Variants in BTN2A2 observed in about 807,000 individuals in gnomAD.
BTN2A2 encodes butyrophilin subfamily 2 member A2.
Under a neutral mutation model 34.7 loss-of-function variants are expected in BTN2A2, and 29 were observed. That is an observed-to-expected ratio of 0.84 (90% confidence interval 0.62 to 1.14). The LOEUF (loss-of-function observed/expected upper bound fraction) is 1.14. BTN2A2 is among the 50% of genes most tolerant of loss of function. BTN2A2 has a pLI of 0.00. For missense variants in BTN2A2, 612 were observed against 651.5 expected (o/e 0.94, Z 0.66); for synonymous variants, 240 against 253.1 (o/e 0.95, Z 0.49).
intron 4 of BTN2A2, among the ~76,000 whole-genome samples, 192 bp downstream of exon 4, chr6:26,388,486 G>C (rs1292702218): frequency 1.3e-5 from 2 of 152,158 alleles, no homozygotes; most frequent in African/African-American, 4.8e-5. Flanking sequence ...AAACACAAGA[G>C]TAGGAGCCTC....
intron 4 of BTN2A2, 100 bp downstream of exon 4, chr6:26,388,394 G>A: frequency 7.1e-7 from 1 of 1,416,218 alleles, no homozygotes; most frequent in Non-Finnish European, 9.7e-7. Context: ...TGGGTGGAAT[G>A]GTCCTGGGCC....
At position 26,384,846 on chromosome 6, in the gene BTN2A2, ACTGGT is replaced by A. The variant is rs1761078561; in HGVS notation, c.95-167_95-163del. On this transcript the variant is annotated intron_variant, in intron 2 of 7. Coordinates refer to ENST00000356709, the MANE Select transcript of BTN2A2 (RefSeq NM_006995.5). The surrounding 1 kb of genome is among the most constrained non-coding windows in gnomAD (Gnocchi z 4.0). ...TTGGTGCTGCCGACCAGCCACAGCTACTGGTCCCCAGAAGGGTTCTCAGCCCAAGA... is the reference window on the plus strand; with the variant it reads ...TTGGTGCTGCCGACCAGCCACAGCTACCCCAGAAGGGTTCTCAGCCCAAGA... Among the ~76,000 whole-genome samples the A allele has an allele frequency of 1.3e-5, 2 of 152,262 alleles. No homozygotes were observed. The highest frequency in any genetic ancestry group is 4.8e-5 in the African/African-American group (2 of 41,468).
intron 7 of BTN2A2, 53 bp from the exon 8 acceptor site, chr6:26,392,322 C>T: frequency 6.2e-7 from 1 of 1,613,870 alleles, no homozygotes; most frequent in Non-Finnish European, 8.5e-7. Context: ...AGGAACCACA[C>T]AATCCCCAGG....
At chr6:26,387,966 G>C (rs751147516) in intron 3 of BTN2A2, 47 bp from the exon 4 acceptor site, 2 of 1,568,892 alleles carry the variant, frequency 1.3e-6, no homozygotes, top group Non-Finnish European at 1.7e-6. Flanking sequence ...TGCAGTAGGG[G>C]CTAAGATACC....
intron 4 of BTN2A2, 85 bp downstream of exon 4, chr6:26,388,379 C>A: frequency 6.6e-7 from 1 of 1,507,728 alleles, no homozygotes; most frequent in Non-Finnish European, 9.1e-7. Context: ...ATGGGGGCAG[C>A]AGTGTGGGTG....
intron 7 of BTN2A2, 119 bp downstream of exon 7, chr6:26,390,948 G>T: frequency 6.7e-7 from 1 of 1,497,972 alleles, no homozygotes; most frequent in Non-Finnish European, 9.3e-7. Context: ...GGGAACTGGG[G>T]TCAGTTCATC....
At position 26,394,077 on chromosome 6, in the gene BTN2A2, G is replaced by A. The variant is rs1238728739; in HGVS notation, c.*1110G>A. 6.9e-6 allele frequency: 3 copies of A among 436,642 alleles called. No individual in the cohort carries two copies. The highest frequency in any genetic ancestry group is 1.2e-5 in the Non-Finnish European group (3 of 247,020). The allele number at this position is 436,642 out of a possible 1,614,324, so 27.0% of individuals were successfully genotyped here. On this transcript the variant is annotated 3_prime_UTR_variant, in exon 8 of 8. Coordinates refer to ENST00000356709, the MANE Select transcript of BTN2A2 (RefSeq NM_006995.5). ...TATCTGCCTTTGTATTAAACCTATT[G>A]GTATATCATAGGTCATGTTAGCTCA...
In BTN2A2 at chr6:26,390,836, G is replaced by T. The variant is rs759770098; in HGVS notation, c.979+7G>T. ...AGAACATTCTTACATGCTGGTGAGT[G>T]CCTCTGATGTTCTCTCAGATCTCAG... On this transcript the variant is annotated splice_region_variant and intron_variant, in intron 7 of 7. Coordinates refer to ENST00000356709, the MANE Select transcript of BTN2A2 (RefSeq NM_006995.5). 1.2e-5 allele frequency: 20 copies of T among 1,613,956 alleles called. No individual in the cohort carries two copies.
At position 26,385,126 on chromosome 6, in the gene BTN2A2, G is replaced by A. The variant is rs368009368; in HGVS notation, c.206G>A (p.Arg69Gln). 2.6e-5 allele frequency: 42 copies of A among 1,613,862 alleles called. No homozygotes were observed. The highest frequency in any genetic ancestry group is 3.2e-5 in the Non-Finnish European group (38 of 1,180,000). Reference protein sequence around the residue: ...PEKNAEDMEVRWFRSQFSPAV... With the variant: ...PEKNAEDMEVQWFRSQFSPAV... ...AAAAATGCTGAGGACATGGAGGTGC[G>A]GTGGTTCCGGTCTCAGTTCTCCCCC... is the stretch of plus-strand genomic sequence containing the variant. Residue 69 changes from arginine to glutamine, a missense_variant, in exon 3 of 8, where the codon CGG becomes CAG. Physicochemically the swap from Arg to Gln is conservative, Grantham distance 43. Coordinates refer to ENST00000356709, the MANE Select transcript of BTN2A2 (RefSeq NM_006995.5).
chr6:26,386,572 T>C (rs1761216881), intron 3 of BTN2A2, among the ~76,000 whole-genome samples: 1 of 152,216 alleles, frequency 6.6e-6, no homozygotes, highest in African/African-American at 2.4e-5. Flanking sequence ...CATGACTGTG[T>C]TCACAGCAGC....
chr6:26,394,429 G>C lies in BTN2A2; in HGVS notation c.*1462G>C, dbSNP rs1451985165. The C allele has an allele frequency of 6.1e-6, 4 of 659,464 alleles. No homozygotes were observed. Among genetic ancestry groups the C allele is most frequent in the Non-Finnish European group, 1.1e-5 (4 of 360,272 alleles). 40.9% of individuals were successfully genotyped at this position (659,464 alleles called of 1,614,324 possible). A position where few individuals can be genotyped will look rare whatever the true frequency, so the allele number is the denominator to read the frequency against. Reference sequence around the variant, plus strand: ...GAAATTCTCTCCTTCTGTTGGCTGGGTGCCCAATACAACAAAAAGGCAGAG... The same window carrying C: ...GAAATTCTCTCCTTCTGTTGGCTGGCTGCCCAATACAACAAAAAGGCAGAG... On this transcript the variant is annotated 3_prime_UTR_variant, in exon 8 of 8. Coordinates refer to ENST00000356709, the MANE Select transcript of BTN2A2 (RefSeq NM_006995.5).
Position 26,384,191 on chromosome 6 carries a change from G to A in BTN2A2, c.94+276G>A, listed in dbSNP as rs1761039871. 6.6e-6 allele frequency among the ~76,000 whole-genome samples: 1 copy of A among 152,116 alleles called. No homozygotes were observed. The highest frequency in any genetic ancestry group is 1.5e-5 in the Non-Finnish European group (1 of 68,012). On this transcript the variant is annotated intron_variant, in intron 2 of 7. Coordinates refer to ENST00000356709, the MANE Select transcript of BTN2A2 (RefSeq NM_006995.5). This position sits in a 1 kb window ranked among gnomAD's most constrained non-coding sequence, Gnocchi z 4.0. Reference sequence around the variant, plus strand: ...AGTATATTGCTCTGTTGCCAGGCCGGAATGAAGCAGATGGAGAATGAGATC... The same window carrying A: ...AGTATATTGCTCTGTTGCCAGGCCGAAATGAAGCAGATGGAGAATGAGATC...
Position 26,393,431 on chromosome 6 carries a change from G to A in BTN2A2, c.*464G>A. ...ACCAGATATGCAGATCAGAGATAGA[G>A]GAAGTGGAACCAGAGAGCTGGGAGG... On this transcript the variant is annotated 3_prime_UTR_variant, in exon 8 of 8. Transcript: ENST00000356709. 9.2e-7 allele frequency: 1 copy of A among 1,089,404 alleles called. No homozygotes were observed. The highest frequency in any genetic ancestry group is 1.1e-6 in the Non-Finnish European group (1 of 892,946). The allele number at this position is 1,089,404 out of a possible 1,614,324, so 67.5% of individuals were successfully genotyped here. A position where few individuals can be genotyped will look rare whatever the true frequency, so the allele number is the denominator to read the frequency against.
chr6:26,388,885 G>C (rs9461250), intron 4 of BTN2A2, among the ~76,000 whole-genome samples: 45,649 of 152,154 alleles, frequency 0.3, 9,529 homozygotes, highest in African/African-American at 0.6. Flanking sequence ...ACTTTGGGAG[G>C]CCAAGGTGGT....
rs1187363174 is a variant in BTN2A2 at position 26,384,896 on chromosome 6, A to G, written c.95-119A>G. On this transcript the variant is annotated intron_variant, in intron 2 of 7. Coordinates refer to ENST00000356709, the MANE Select transcript of BTN2A2 (RefSeq NM_006995.5). This position sits in a 1 kb window ranked among gnomAD's most constrained non-coding sequence, Gnocchi z 4.0. ...CCAAGAACCCCTGTAGCCTTGGAATATCTGCTTCCTTTCATCCCTGGAGTT... is the reference window on the plus strand; with the variant it reads ...CCAAGAACCCCTGTAGCCTTGGAATGTCTGCTTCCTTTCATCCCTGGAGTT... 9.0e-7 allele frequency: 1 copy of G among 1,110,538 alleles called. No individual in the cohort carries two copies. Among genetic ancestry groups the G allele is most frequent in the African/African-American group, 1.6e-5 (1 of 62,962 alleles). The allele number at this position is 1,110,538 out of a possible 1,614,324, so 68.8% of individuals were successfully genotyped here. A position where few individuals can be genotyped will look rare whatever the true frequency, so the allele number is the denominator to read the frequency against.
chr6:26,387,338 C>T (rs996475490), intron 3 of BTN2A2, among the ~76,000 whole-genome samples: 3 of 152,150 alleles, frequency 2.0e-5, no homozygotes, highest in African/African-American at 4.8e-5. Flanking sequence ...TGTCTATTCT[C>T]CTAAAAACCA....
Position 26,393,856 on chromosome 6 carries a change from A to G in BTN2A2, c.*889A>G. Reference sequence around the variant, plus strand: ...TGGGTTAATATTTATGACATTTGACATTGAAACAAAAATTTAAAATGTTAT... The same window carrying G: ...TGGGTTAATATTTATGACATTTGACGTTGAAACAAAAATTTAAAATGTTAT... On this transcript the variant is annotated 3_prime_UTR_variant, in exon 8 of 8. Coordinates refer to ENST00000356709, the MANE Select transcript of BTN2A2 (RefSeq NM_006995.5). The G allele has an allele frequency of 2.8e-6, 2 of 705,218 alleles. No individual in the cohort carries two copies. Among genetic ancestry groups the G allele is most frequent in the Non-Finnish European group, 1.7e-6 (1 of 573,980 alleles). 43.7% of individuals were successfully genotyped at this position (705,218 alleles called of 1,614,324 possible). A position where few individuals can be genotyped will look rare whatever the true frequency, so the allele number is the denominator to read the frequency against.
chr6:26,388,054 G>T lies in BTN2A2; in HGVS notation c.484G>T (p.Asp162Tyr), dbSNP rs1304580147. 2.5e-6 allele frequency: 4 copies of T among 1,614,018 alleles called. No homozygotes were observed. The highest frequency in any genetic ancestry group is 1.7e-5 in the Admixed American group (1 of 60,002). The change falls in exon 4 of 8, where the codon GAT becomes TAT. Residue 162 changes from aspartate (D) to tyrosine (Y), a missense_variant. Coordinates refer to ENST00000356709, the MANE Select transcript of BTN2A2 (RefSeq NM_006995.5). ...KPLIEIKAQE[D>Y]GSIWLECISG... ...CCTCATTGAAATCAAGGCCCAAGAG[G>T]ATGGGAGCATCTGGCTGGAGTGCAT...
At position 26,393,071 on chromosome 6, in the gene BTN2A2, C is replaced by G. The variant is rs933681670; in HGVS notation, c.*104C>G. ...GACACGCCCTCCTCCCCTCTGGTCACGTAAGAGAACATCTTCCAGCTGCCT... is the reference window on the plus strand; with the variant it reads ...GACACGCCCTCCTCCCCTCTGGTCAGGTAAGAGAACATCTTCCAGCTGCCT... On this transcript the variant is annotated 3_prime_UTR_variant, in exon 8 of 8. Coordinates refer to ENST00000356709, the MANE Select transcript of BTN2A2 (RefSeq NM_006995.5). 1 of 1,611,022 alleles carries G rather than the reference C, an allele frequency of 6.2e-7. No individual in the cohort carries two copies. Among genetic ancestry groups the G allele is most frequent in the African/African-American group, 1.3e-5 (1 of 75,008 alleles).
Sources: gnomAD v4.1 joint callset for allele counts (sites outside exome capture counted in the v4.1 genomes callset) on GRCh38, gnomAD v4.1.1 for gene constraint, Gnocchi (gnomAD v3.1) non-coding constraint, MANE v1.5 for transcripts, NCBI Gene and HGNC (gene_info 2026-07-23, HGNC 2026-07-21) for gene names.